Variants in DCLK1 observed in about 807,000 individuals in gnomAD.
DCLK1 encodes the protein doublecortin like kinase 1.
DCLK1 carries 16 observed loss-of-function variants against 86.2 expected under a neutral mutation model. The observed-to-expected ratio is 0.19, with a 90% confidence interval of 0.13 to 0.28. The LOEUF (loss-of-function observed/expected upper bound fraction) is 0.28. Among genes scored for constraint, DCLK1 ranks in the 10% least tolerant of loss-of-function variants. The pLI is 1.00. For synonymous variants in DCLK1, 369 were observed against 370.5 expected (o/e 1.00, Z 0.05); for missense variants, 590 against 940.2 (o/e 0.63, Z 4.87).
At chr13:35,827,928 A>AG (rs1192555116) in intron 9 of DCLK1, among the ~76,000 whole-genome samples, 174 bp from the exon 10 acceptor site, 1 of 152,214 alleles carries the variant, frequency 6.6e-6, no homozygotes, top group Non-Finnish European at 1.5e-5. Flanking sequence ...ATAGATATGG[A>AG]GATCCTTACA....
At chr13:35,938,164 G>A (rs1647883816) in intron 4 of DCLK1, among the ~76,000 whole-genome samples, 1 of 152,134 alleles carries the variant, frequency 6.6e-6, no homozygotes, top group Non-Finnish European at 1.5e-5. Flanking sequence ...TGGTCTAGAA[G>A]GAAAAGAAAT....
At chr13:36,085,585 A>G (rs1884563380) in intron 3 of DCLK1, among the ~76,000 whole-genome samples, 1 of 152,168 alleles carries the variant, frequency 6.6e-6, no homozygotes, top group Non-Finnish European at 1.5e-5. Context: ...TGTTTGCAGT[A>G]ATTTTCCCTA....
intron 6 of DCLK1, chr13:35,846,811 C>G (rs1387703654): frequency 3.9e-5 from 38 of 985,128 alleles, no homozygotes; most frequent in South Asian, 4.7e-5. Flanking sequence ...ATTCGATTAA[C>G]ATTTTCAAGT....
intron 3 of DCLK1, among the ~76,000 whole-genome samples, chr13:35,989,251 T>C (rs1171634869): frequency 1.3e-5 from 2 of 152,160 alleles, no homozygotes; most frequent in Non-Finnish European, 2.9e-5. Flanking sequence ...CTTTGGAATT[T>C]CAAAACATGA....
At chr13:35,841,170 G>C (rs572656483) in intron 6 of DCLK1, among the ~76,000 whole-genome samples, 6 of 152,164 alleles carry the variant, frequency 3.9e-5, no homozygotes, top group African/African-American at 1.4e-4. Context: ...GCCTTGTCAC[G>C]TGGCGTTTTA....
chr13:35,844,436 T>C (rs1369058540), intron 6 of DCLK1, among the ~76,000 whole-genome samples: 1 of 152,176 alleles, frequency 6.6e-6, no homozygotes, highest in African/African-American at 2.4e-5. Flanking sequence ...TGGCCTCAAT[T>C]GTCCAATCAC....
intron 6 of DCLK1, among the ~76,000 whole-genome samples, chr13:35,843,906 C>T (rs1298362292): frequency 6.6e-6 from 1 of 152,126 alleles, no homozygotes; most frequent in South Asian, 2.1e-4. Context: ...GACTTTAGAT[C>T]CACAGAAGCT....
At chr13:35,933,266 T>A (rs1229100669) in intron 4 of DCLK1, among the ~76,000 whole-genome samples, 1 of 152,226 alleles carries the variant, frequency 6.6e-6, no homozygotes, top group Non-Finnish European at 1.5e-5. Flanking sequence ...CAGACTGGCA[T>A]TGAGTGTCTG....
intron 3 of DCLK1, among the ~76,000 whole-genome samples, chr13:35,956,699 C>T (rs1052906019): frequency 4.4e-4 from 1 of 2,252 alleles, no homozygotes; most frequent in Non-Finnish European, 8.8e-4. Flanking sequence ...TATGGATGAG[C>T]GAAGGCTGGG....
intron 8 of DCLK1, among the ~76,000 whole-genome samples, chr13:35,833,843 G>A (rs1337837422): frequency 1.3e-5 from 2 of 152,148 alleles, no homozygotes; most frequent in Admixed American, 6.5e-5. Flanking sequence ...ATATGTCCTC[G>A]TTCAGCAGGA....
intron 4 of DCLK1, among the ~76,000 whole-genome samples, chr13:35,903,938 C>T (rs1003265388): frequency 3.3e-5 from 5 of 152,012 alleles, no homozygotes; most frequent in African/African-American, 4.8e-5. Context: ...AAGAATATTT[C>T]GATCTTAGGA....
chr13:35,979,304 G>T (rs1879521609), intron 3 of DCLK1, among the ~76,000 whole-genome samples: 1 of 152,152 alleles, frequency 6.6e-6, no homozygotes, highest in Non-Finnish European at 1.5e-5. Context: ...GGCCGGGGAA[G>T]GACTAATCAA....
intron 4 of DCLK1, among the ~76,000 whole-genome samples, chr13:35,895,253 G>A (rs575542475): frequency 8.0e-5 from 12 of 150,758 alleles, no homozygotes; most frequent in African/African-American, 2.0e-4. Flanking sequence ...CGCCACACCT[G>A]GTCACTGAAT....
At chr13:35,819,158 C>T (rs2087337362) in intron 11 of DCLK1, among the ~76,000 whole-genome samples, 1 of 152,138 alleles carries the variant, frequency 6.6e-6, no homozygotes, top group African/African-American at 2.4e-5. Context: ...CATGTAAAAT[C>T]ATGGGCATGA....
chr13:35,769,508 GTTTCAA>G lies in DCLK1; in HGVS notation c.*5021_*5026del, dbSNP rs964371383. 2.0e-5 allele frequency: 3 copies of G among 152,008 alleles called. No homozygotes were observed. Among genetic ancestry groups the G allele is most frequent in the African/African-American group, 7.2e-5 (3 of 41,384 alleles). The allele number at this position is 152,008 out of a possible 1,614,324, so 9.4% of individuals were successfully genotyped here. A position where few individuals can be genotyped will look rare whatever the true frequency, so the allele number is the denominator to read the frequency against. ...AGGATATGACTATAACCTTGGACCA[GTTTCAA>G]TTTCTTTTTATTTTTTCTGAGAATA... On this transcript the variant is annotated 3_prime_UTR_variant, in exon 17 of 17. Coordinates refer to ENST00000360631, the MANE Select transcript of DCLK1 (RefSeq NM_001330071.2).
At chr13:36,007,714 G>C (rs1881044712) in intron 3 of DCLK1, among the ~76,000 whole-genome samples, 1 of 152,178 alleles carries the variant, frequency 6.6e-6, no homozygotes, top group Non-Finnish European at 1.5e-5. Flanking sequence ...CTCGTAAGGA[G>C]AGAAAGAGCA....
rs568110221 is a variant in DCLK1, at chr13:36,045,377, T to TATATATCTATATATAC, written c.723+66491_723+66492insGTATATATAGATATAT. Among the ~76,000 whole-genome samples the TATATATCTATATATAC allele has an allele frequency of 5.7e-4, 71 of 125,046 alleles. 1 individual carries two copies. In the East Asian group the frequency reaches 7.4e-3, roughly 13 times the overall value. The allele number at this position is 125,046 out of a possible 152,430, so 82.0% of individuals were successfully genotyped here. On this transcript the variant is annotated intron_variant, in intron 3 of 16. Coordinates refer to ENST00000360631, the MANE Select transcript of DCLK1 (RefSeq NM_001330071.2). ...ATATATATATATATATATATATATA[T>TATATATCTATATATAC]TTCAAGGTAAATTGCTAACATCAGT...
intron 3 of DCLK1, among the ~76,000 whole-genome samples, chr13:36,077,858 T>G (rs1305890711): frequency 6.6e-6 from 1 of 152,206 alleles, no homozygotes; most frequent in African/African-American, 2.4e-5. Flanking sequence ...GTCGGGGACA[T>G]ACATGGAGAA....
chr13:35,882,726 C>G (rs151199469), intron 4 of DCLK1, among the ~76,000 whole-genome samples: 112 of 152,278 alleles, frequency 7.4e-4, no homozygotes, highest in African/African-American at 2.3e-3. Context: ...GCCTGGTTAA[C>G]GTTCTGTTCA....
Sources: allele counts gnomAD v4.1 joint callset (sites outside exome capture counted in the v4.1 genomes callset), GRCh38; gene constraint gnomAD v4.1.1; transcripts MANE v1.5; gene names NCBI Gene and HGNC (gene_info 2026-07-23, HGNC 2026-07-21).